Variants in ANKRD26 observed in about 807,000 individuals in gnomAD.
ANKRD26 encodes ankyrin repeat domain-containing protein 26.
A neutral mutation model predicts 208.7 loss-of-function variants in ANKRD26; 141 were observed. That is an observed-to-expected ratio of 0.68 (90% confidence interval 0.59 to 0.78). ANKRD26 has a LOEUF of 0.78. Ranked by LOEUF, ANKRD26 falls within the 30% of genes least tolerant of loss-of-function variation. The pLI is 0.00. For synonymous variants in ANKRD26, 636 were observed against 660.4 expected (o/e 0.96, Z 0.57); for missense variants, 1,889 against 1,938.7 (o/e 0.97, Z 0.48).
chr10:27,092,423 T>TGCATTTACAGTAGATAA lies in ANKRD26; in HGVS notation c.620_621insTTATCTACTGTAAATGC (p.Val208TyrfsTer4). 1 of 1,610,832 alleles carries TGCATTTACAGTAGATAA rather than the reference T, an allele frequency of 6.2e-7. No homozygotes were observed. Among genetic ancestry groups the TGCATTTACAGTAGATAA allele is most frequent in the Non-Finnish European group, 8.5e-7 (1 of 1,177,724 alleles). On this transcript the variant is annotated stop_gained and frameshift_variant, in exon 4 of 34. Transcript: ENST00000376087. LOFTEE classifies it high-confidence loss of function. ...TACTGTACCTTTCCAACTTATCTAC[T>TGCATTTACAGTAGATAA]GCATTTACATTTGCTTTTTTCTTTA...
At chr10:27,035,969 G>A (rs549127628) in intron 23 of ANKRD26, among the ~76,000 whole-genome samples, 1 of 151,680 alleles carries the variant, frequency 6.6e-6, no homozygotes, top group South Asian at 2.1e-4. Context: ...ATCCATGAAA[G>A]TAAAAAAGAA....
intron 17 of ANKRD26, among the ~76,000 whole-genome samples, chr10:27,047,920 T>G (rs2054514932): frequency 6.6e-6 from 1 of 151,926 alleles, no homozygotes; most frequent in Non-Finnish European, 1.5e-5. Context: ...ATTTTGTATT[T>G]TTAGTACAGA....
At chr10:26,998,251 A>G (rs1245542118) in intron 4 of ANKRD26, among the ~76,000 whole-genome samples, 2 of 152,180 alleles carry the variant, frequency 1.3e-5, no homozygotes, top group East Asian at 3.9e-4. Flanking sequence ...GCAAAGTTTT[A>G]TTAAAACATG....
At chr10:27,046,163 T>C (rs1202814123) in intron 18 of ANKRD26, 190 bp downstream of exon 18, 3 of 623,064 alleles carry the variant, frequency 4.8e-6, no homozygotes, top group Non-Finnish European at 8.2e-6. Context: ...CCATCCACTA[T>C]AGTCAGGGCT....
intron 17 of ANKRD26, 78 bp from the exon 18 acceptor site, chr10:27,046,601 G>A (rs1048426506): frequency 1.5e-6 from 2 of 1,356,986 alleles, no homozygotes; most frequent in East Asian, 2.4e-5. Flanking sequence ...GAGAGTTAAG[G>A]AAAAGAAAGA....
At chr10:27,078,588 A>C (rs902111411) in intron 7 of ANKRD26, among the ~76,000 whole-genome samples, 2 of 152,212 alleles carry the variant, frequency 1.3e-5, no homozygotes, top group African/African-American at 4.8e-5. Context: ...AATACTGATT[A>C]GTATTTACAA....
At chr10:27,087,637 A>C (rs1375082657) in intron 4 of ANKRD26, among the ~76,000 whole-genome samples, 1 of 152,228 alleles carries the variant, frequency 6.6e-6, no homozygotes, top group East Asian at 1.9e-4. Flanking sequence ...CTAACTGATC[A>C]CAGCAAGGGC....
Position 27,033,267 on chromosome 10 carries a change from CTCA to C in ANKRD26, c.3762_3764del (p.Asp1254del). 1 of 1,612,256 alleles carries C rather than the reference CTCA, an allele frequency of 6.2e-7. No homozygotes were observed. The highest frequency in any genetic ancestry group is 8.5e-7 in the Non-Finnish European group (1 of 1,178,824). On this transcript the variant is annotated inframe_deletion, in exon 25 of 34. Transcript: ENST00000376087. ...CTAATTTCTTCTTTAAATCCTGTGT[CTCA>C]TCTTCTAAATTAATACGATAACGTG...
chr10:27,035,001 A>G lies in ANKRD26; in HGVS notation c.3449T>C (p.Leu1150Pro). The change falls in exon 24 of 34, where the codon CTG becomes CCG. Residue 1150 changes from leucine (L) to proline (P), a missense_variant. Transcript: ENST00000376087. ...GTCAGCCTTGTTGTGGGCATCATCC[A>G]GTTGTTGTCGAAGCAACATATTCTC... Reference protein sequence around the residue: ...QSENMLLRQQLDDAHNKADNK... With the variant: ...QSENMLLRQQPDDAHNKADNK... The G allele has an allele frequency of 1.2e-6, 2 of 1,614,078 alleles. No homozygotes were observed. The highest frequency in any genetic ancestry group is 1.7e-6 in the Non-Finnish European group (2 of 1,179,954).
chr10:26,963,332 G>A, the ANKRD26 span, among the ~76,000 whole-genome samples: 4 of 152,076 alleles, frequency 2.6e-5, no homozygotes, highest in African/African-American at 9.7e-5. Context: ...AACACTCCAG[G>A]TCTAACCTTG....
At chr10:27,054,510 G>C (rs540133750) in intron 15 of ANKRD26, among the ~76,000 whole-genome samples, 2 of 152,068 alleles carry the variant, frequency 1.3e-5, no homozygotes, top group Non-Finnish European at 2.9e-5. Flanking sequence ...ACTTGAACCC[G>C]GGAGGCGGAG....
intron 15 of ANKRD26, among the ~76,000 whole-genome samples, chr10:27,058,243 G>T (rs1173908716): frequency 6.6e-6 from 1 of 152,060 alleles, no homozygotes; most frequent in Non-Finnish European, 1.5e-5. Context: ...TTAAAACTGT[G>T]GTTCTAAATT....
At chr10:27,005,986 T>A (rs974526922) in intron 33 of ANKRD26, among the ~76,000 whole-genome samples, 1 of 152,138 alleles carries the variant, frequency 6.6e-6, no homozygotes, top group African/African-American at 2.4e-5. Flanking sequence ...AAGTAAGCAC[T>A]AGAATTACAA....
chr10:27,061,559 ATTT>A (rs11399797), intron 12 of ANKRD26, among the ~76,000 whole-genome samples: 43 of 134,220 alleles, frequency 3.2e-4, no homozygotes, highest in Non-Finnish European at 4.1e-4. Flanking sequence ...TGCAACATCT[ATTT>A]TTTTTTTTTT....
chr10:27,042,952 C>CAAAA lies in ANKRD26; in HGVS notation c.2161+470_2161+473dup, dbSNP rs376971749. ...TGATTGACAGAGTGAAATTTTGTCT[C>CAAAA]AAAAAAAAAAAAAAAAAGACCTAAA... is the stretch of plus-strand genomic sequence containing the variant. On this transcript the variant is annotated intron_variant, in intron 20 of 33. Coordinates refer to ENST00000376087, the MANE Select transcript of ANKRD26 (RefSeq NM_014915.3). Among the ~76,000 whole-genome samples the CAAAA allele has an allele frequency of 5.7e-4, 47 of 82,394 alleles. 1 individual carries two copies. The highest frequency in any genetic ancestry group is 1.8e-3 in the African/African-American group (45 of 24,660). 54.1% of individuals were successfully genotyped at this position (82,394 alleles called of 152,430 possible).
chr10:26,964,168 C>A, the ANKRD26 span, among the ~76,000 whole-genome samples: 1 of 151,850 alleles, frequency 6.6e-6, no homozygotes, highest in South Asian at 2.1e-4. Context: ...CTCAACCTCC[C>A]AAAGGGCTGG....
In ANKRD26 at chr10:27,022,706, T is replaced by C; in HGVS notation, c.4086-19A>G. 1 of 1,572,890 alleles carries C rather than the reference T, an allele frequency of 6.4e-7. No homozygotes were observed. Among genetic ancestry groups the C allele is most frequent in the Non-Finnish European group, 8.7e-7 (1 of 1,152,218 alleles). On this transcript the variant is annotated intron_variant, in intron 28 of 33. Coordinates refer to ENST00000376087, the MANE Select transcript of ANKRD26 (RefSeq NM_014915.3). ...CTTAAATCTGCAGGAAGGTACAAAA[T>C]GAGTAACTCAAGTTTTAAAAAGGCA...
chr10:26,998,245 A>G (rs1427466166), intron 4 of ANKRD26, among the ~76,000 whole-genome samples: 1 of 151,738 alleles, frequency 6.6e-6, no homozygotes, highest in Non-Finnish European at 1.5e-5. Context: ...ACTGTTGCAA[A>G]GTTTTATTAA....
At chr10:27,019,885 G>T (rs1432436443) in intron 29 of ANKRD26, among the ~76,000 whole-genome samples, 1 of 152,162 alleles carries the variant, frequency 6.6e-6, no homozygotes, top group Non-Finnish European at 1.5e-5. Flanking sequence ...GGAATCTGTG[G>T]TTTGGGAAAA....
Sources: allele counts gnomAD v4.1 joint callset (sites outside exome capture counted in the v4.1 genomes callset), GRCh38; gene constraint gnomAD v4.1.1; transcripts MANE v1.5; gene names NCBI Gene and HGNC (gene_info 2026-07-23, HGNC 2026-07-21).